ADAM33: variants seen among roughly 807,000 people sequenced by gnomAD.
The protein encoded by ADAM33 is ADAM metallopeptidase domain 33.
In ADAM33, 103 loss-of-function variants were observed where a neutral mutation model predicts 106.2. That is an observed-to-expected ratio of 0.97 (90% confidence interval 0.83 to 1.14). The LOEUF (loss-of-function observed/expected upper bound fraction) is 1.14. ADAM33 is among the 50% of genes most tolerant of loss of function. ADAM33 has a pLI of 0.00. For missense variants in ADAM33, 1,120 were observed against 1,096.6 expected (o/e 1.02, Z -0.30); for synonymous variants, 483 against 453.0 (o/e 1.07, Z -0.84).
intron 2 of ADAM33, among the ~76,000 whole-genome samples, chr20:3,678,657 A>C (rs2088181940): frequency 6.6e-6 from 1 of 152,124 alleles, no homozygotes; most frequent in South Asian, 2.1e-4. Flanking sequence ...GAAAATTCCA[A>C]ACAAAGAGGG....
In ADAM33 at chr20:3,672,607, C is replaced by G. The variant is rs1192357091; in HGVS notation, c.1331G>C (p.Cys444Ser). ...GCGCAGCGAGCAGTTGTGAGCAAAG[C>G]AGCAGAGGTCGCGGCACTCCTGGGA... is the stretch of plus-strand genomic sequence containing the variant. ...GPGQECRDLC[C>S]FAHNCSLRPG... is the part of the protein sequence containing the mutation. Residue 444 changes from cysteine (C) to serine (S), a missense_variant, in exon 13 of 22, where the codon TGC becomes TCC. Physicochemically the swap from Cys to Ser is moderately radical, Grantham distance 112. Transcript: ENST00000356518. 6.2e-7 allele frequency: 1 copy of G among 1,613,552 alleles called. No individual in the cohort carries two copies. The highest frequency in any genetic ancestry group is 1.3e-5 in the African/African-American group (1 of 75,070).
rs2087707003 is a variant in ADAM33 at position 3,673,523 on chromosome 20, T to C, written c.991-27A>G. On this transcript the variant is annotated intron_variant, in intron 10 of 21. Coordinates refer to ENST00000356518, the MANE Select transcript of ADAM33 (RefSeq NM_025220.5). ...TGGGGGGCCGTGGGAGGGCGGTCAC[T>C]GCGGCCGTAGAGCCTCCTGTCTCTC... The C allele has an allele frequency of 2.7e-6, 4 of 1,462,896 alleles. No homozygotes were observed. In the East Asian group the frequency reaches 1.0e-4, roughly 38 times the overall value. 90.6% of individuals were successfully genotyped at this position (1,462,896 alleles called of 1,614,324 possible).
rs373530446 is a variant in ADAM33, at chr20:3,677,135, C to T, written c.186G>A (p.Lys62=). The T allele has an allele frequency of 6.2e-6, 10 of 1,608,888 alleles. No individual in the cohort carries two copies. The African/African-American group carries it at 6.7e-5, about 11-fold the overall frequency. Residue 62 remains lysine, a synonymous_variant, in exon 3 of 22, where the codon AAG becomes AAA. Coordinates refer to ENST00000356518, the MANE Select transcript of ADAM33 (RefSeq NM_025220.5). ...CCAGGGCCACCAGCCCCATGTCTGGCTTCGAGACCTGGGCAAGAAAATGTG... is the reference window on the plus strand; with the variant it reads ...CCAGGGCCACCAGCCCCATGTCTGGTTTCGAGACCTGGGCAAGAAAATGTG... ...RTVSLEEPVS[K]PDMGLVALEA... is the part of the protein sequence containing the mutation.
Position 3,672,591 on chromosome 20 carries a change from G to C in ADAM33, c.1347C>G (p.Cys449Trp). The change falls in exon 13 of 22, where the codon TGC (cysteine) becomes TGG (tryptophan). Residue 449 changes from cysteine (C) to tryptophan (W), a missense_variant. By Grantham distance (215) the Cys-to-Trp change is radical (BLOSUM62 -2). Transcript: ENST00000356518. The part of the protein sequence containing the change: ...CRDLCCFAHN[C>W]SLRPGAQCAH... The stretch of plus-strand genomic sequence containing the variant: ...CGCACTGGGCCCCCGGGCGCAGCGA[G>C]CAGTTGTGAGCAAAGCAGCAGAGGT... 6.2e-7 allele frequency: 1 copy of C among 1,613,598 alleles called. No individual in the cohort carries two copies. Among genetic ancestry groups the C allele is most frequent in the Non-Finnish European group, 8.5e-7 (1 of 1,179,928 alleles).
rs1331748614 is a variant in ADAM33 at position 3,674,624 on chromosome 20, G to A, written c.480C>T (p.Asp160=). Residue 160 remains aspartate (D), a synonymous_variant, in exon 6 of 22, where the codon GAC becomes GAT. Transcript: ENST00000356518. ...LRPWPPRGSK[D]FSTHEIFRME... is the part of the protein sequence containing the mutation. ...TCCGAAAGATCTCGTGGGTTGAGAA[G>A]TCCTTGGAGCCCCGGGGTGGCCAGG... The A allele has an allele frequency of 1.2e-6, 2 of 1,613,242 alleles. No homozygotes were observed. Among genetic ancestry groups the A allele is most frequent in the Admixed American group, 3.3e-5 (2 of 59,758 alleles).
rs184961214 is a variant in ADAM33, at chr20:3,675,253, G to A, written c.255-148C>T. ...TCTTAGGGAAGGGACAGGAGCAATGGTGACTTGCTCAGATCAGAAACTCTT... is the reference window on the plus strand; with the variant it reads ...TCTTAGGGAAGGGACAGGAGCAATGATGACTTGCTCAGATCAGAAACTCTT... On this transcript the variant is annotated intron_variant, in intron 3 of 21. Transcript: ENST00000356518. This position sits in a 1 kb window ranked among gnomAD's most constrained non-coding sequence, Gnocchi z 4.1. The A allele has an allele frequency of 2.0e-5, 13 of 650,372 alleles. No homozygotes were observed. The highest frequency in any genetic ancestry group is 3.5e-5 in the Non-Finnish European group (13 of 367,020). The allele number at this position is 650,372 out of a possible 1,614,324, so 40.3% of individuals were successfully genotyped here. A position where few individuals can be genotyped will look rare whatever the true frequency, so the allele number is the denominator to read the frequency against.
rs2087583651 is a variant in ADAM33 at position 3,672,189 on chromosome 20, G to A, written c.1542C>T (p.Cys514=). The change falls in exon 14 of 22, where the codon TGC becomes TGT. Residue 514 remains cysteine, a synonymous_variant. Transcript: ENST00000356518. ...GSPCARGSGY[C]WDGACPTLEQ... Reference sequence around the variant, plus strand: ...CCAGCGTGGGACATGCGCCATCCCAGCAGTAGCCACTGCCCCTGGCACAGG... The same window carrying A: ...CCAGCGTGGGACATGCGCCATCCCAACAGTAGCCACTGCCCCTGGCACAGG... 1 of 1,613,174 alleles carries A rather than the reference G, an allele frequency of 6.2e-7. No individual in the cohort carries two copies. The highest frequency in any genetic ancestry group is 8.5e-7 in the Non-Finnish European group (1 of 1,180,040).
At position 3,671,632 on chromosome 20, in the gene ADAM33, G is replaced by A; in HGVS notation, c.1854C>T (p.Asp618=). 1.9e-6 allele frequency: 3 copies of A among 1,580,404 alleles called. No individual in the cohort carries two copies. Among genetic ancestry groups the A allele is most frequent in the Middle Eastern group, 1.7e-4 (1 of 6,022 alleles). ...GALALPSAQL[D]LLGLGLVEPG... ...GCTCTACCAGGCCCAGGCCAAGCAG[G>A]TCCAGCTGGGCACTGGGGAGTGCCA... The change falls in exon 16 of 22, where the codon GAC becomes GAT. Residue 618 remains aspartate (D), a synonymous_variant. Transcript: ENST00000356518.
rs867008594 is a variant in ADAM33 at position 3,671,108 on chromosome 20, G to T, written c.2138C>A (p.Pro713His). ...GGCCAGGCCGGCCCCTGGGAGCAGA[G>T]GCAGCAGGACGCTGAGGAGCATGGC... ...LLAMLLSVLL[P>H]LLPGAGLAWC... is the part of the protein sequence containing the mutation. Residue 713 changes from proline to histidine, a missense_variant, in exon 19 of 22, where the codon CCT becomes CAT. Pro to His is a moderately conservative substitution (Grantham distance 77, BLOSUM62 -2). Coordinates refer to ENST00000356518, the MANE Select transcript of ADAM33 (RefSeq NM_025220.5). The T allele has an allele frequency of 6.2e-7, 1 of 1,603,450 alleles. No individual in the cohort carries two copies. Among genetic ancestry groups the T allele is most frequent in the South Asian group, 1.1e-5 (1 of 89,730 alleles).
At chr20:3,679,659 C>T in intron 1 of ADAM33, 88 bp from the exon 2 acceptor site, 2 of 1,235,392 alleles carry the variant, frequency 1.6e-6, no homozygotes, top group Non-Finnish European at 2.3e-6. Flanking sequence ...AGAGGACATC[C>T]CCAGGGAGGC....
At chr20:3,669,051 C>T (rs1299447260) in intron 21 of ADAM33, 51 bp from the exon 22 acceptor site, 4 of 1,597,342 alleles carry the variant, frequency 2.5e-6, no homozygotes, top group Non-Finnish European at 3.4e-6. Context: ...CCCCAGGCTG[C>T]AAGCTGTGTG....
chr20:3,678,554 C>T (rs549004320), intron 2 of ADAM33, among the ~76,000 whole-genome samples: 1 of 152,222 alleles, frequency 6.6e-6, no homozygotes, highest in Non-Finnish European at 1.5e-5. Flanking sequence ...AGTGAGGGCC[C>T]TGGGTTGGGA....
chr20:3,670,098 C>T (rs2087430846), intron 19 of ADAM33: 2 of 232,692 alleles, frequency 8.6e-6, no homozygotes, highest in East Asian at 1.2e-4. Context: ...TTCTCCCCTG[C>T]CCTGAGACTC....
rs2087547237 is a variant in ADAM33 at position 3,671,726 on chromosome 20, G to A, written c.1760C>T (p.Ala587Val). 1.3e-6 allele frequency: 2 copies of A among 1,585,360 alleles called. No individual in the cohort carries two copies. The highest frequency in any genetic ancestry group is 4.6e-5 in the East Asian group (2 of 43,028). Residue 587 changes from alanine to valine, a missense_variant, in exon 16 of 22, where the codon GCA becomes GTA. Coordinates refer to ENST00000356518, the MANE Select transcript of ADAM33 (RefSeq NM_025220.5). ...AGAGTCCACTGGCACCATGTGCGGT[G>A]CGAGCAGGCTGGGCTTTCCACCCTG... ...QCQGGKPSLL[A>V]PHMVPVDSTV...
chr20:3,669,550 G>C lies in ADAM33; in HGVS notation c.2328C>G (p.Pro776=), dbSNP rs1423288815. The part of the protein sequence containing the change: ...LGPTATGQPW[P]LDPENSHEPS... ...TCCCCCTGGTGCCTCACTCACCCAG[G>C]GGCCAGGGCTGTCCAGTGGCTGTGG... Residue 776 remains proline, a synonymous_variant, in exon 20 of 22, where the codon CCC becomes CCG. Transcript: ENST00000356518. The C allele has an allele frequency of 6.3e-7, 1 of 1,587,226 alleles. No homozygotes were observed. The highest frequency in any genetic ancestry group is 8.6e-7 in the Non-Finnish European group (1 of 1,166,544).
rs569875989 is a variant in ADAM33, at chr20:3,671,568, G to A, written c.1905+13C>T. The stretch of plus-strand genomic sequence containing the variant: ...TTCAAACGGCAAGGAGGGGTCGGGT[G>A]GGCAGAGCTCACCATTCTAGGTCCA... On this transcript the variant is annotated intron_variant, in intron 16 of 21. Coordinates refer to ENST00000356518, the MANE Select transcript of ADAM33 (RefSeq NM_025220.5). 4.4e-6 allele frequency: 7 copies of A among 1,604,386 alleles called. No homozygotes were observed. The South Asian group carries it at 6.7e-5, about 15-fold the overall frequency.
In ADAM33 at chr20:3,673,344, AC is replaced by A; in HGVS notation, c.1133+9del. On this transcript the variant is annotated intron_variant, in intron 11 of 21. Transcript: ENST00000356518. The stretch of plus-strand genomic sequence containing the variant: ...CGCCCCGCCGCAGCCCCGACCCCCC[AC>A]CCGCGTACCCGGTGGCCGCAGCCAT... 1.3e-6 allele frequency: 2 copies of A among 1,536,182 alleles called. No individual in the cohort carries two copies. Among genetic ancestry groups the A allele is most frequent in the Non-Finnish European group, 1.7e-6 (2 of 1,147,548 alleles).
intron 5 of ADAM33, 28 bp downstream of exon 5, chr20:3,674,745 A>T: frequency 6.3e-7 from 1 of 1,596,144 alleles, no homozygotes; most frequent in Non-Finnish European, 8.5e-7. Context: ...TCCCCATCCC[A>T]GGCCCAGCCT....
At chr20:3,680,150 G>C (rs1461163804) in intron 1 of ADAM33, among the ~76,000 whole-genome samples, 6 of 152,066 alleles carry the variant, frequency 3.9e-5, no homozygotes, top group African/African-American at 1.4e-4. Context: ...TCTGGACGGA[G>C]CCTTGGTGCT....
Sources: gnomAD v4.1 joint callset for allele counts (sites outside exome capture counted in the v4.1 genomes callset) on GRCh38, gnomAD v4.1.1 for gene constraint, Gnocchi (gnomAD v3.1) non-coding constraint, MANE v1.5 for transcripts, NCBI Gene and HGNC (gene_info 2026-07-23, HGNC 2026-07-21) for gene names.